The following DCP1B variants were observed in gnomAD, a reference collection of about 807,000 sequenced individuals.
The protein encoded by DCP1B is mRNA-decapping enzyme 1B.
Under a neutral mutation model 60.5 loss-of-function variants are expected in DCP1B, and 47 were observed. That is an observed-to-expected ratio of 0.78 (90% CI 0.61 to 0.99). The LOEUF (loss-of-function observed/expected upper bound fraction) is 0.99. DCP1B is among the 50% of genes least tolerant of loss of function. The probability of loss-of-function intolerance (pLI) is 0.00; values close to 1 mark genes in which losing one functional copy is unlikely to be tolerated. For missense variants in DCP1B, 725 were observed against 756.8 expected, an observed-to-expected ratio of 0.96 and a Z score of 0.49; for synonymous variants, 267 against 280.3, an observed-to-expected ratio of 0.95 and a Z score of 0.47.
Position 1,954,536 on chromosome 12 carries a change from G to GTA in DCP1B, c.651+894_651+895dup, listed in dbSNP as rs34045825. Among the ~76,000 whole-genome samples, 521 of 150,344 alleles carry GTA rather than the reference G, an allele frequency of 3.5e-3. 3 individuals carry two copies. Among genetic ancestry groups the GTA allele is most frequent in the African/African-American group, 8.7e-3 (357 of 41,122 alleles). Reference sequence around the variant, plus strand: ...TGTCATTGCTGTACTATTCTGAAGTGTATATATATATATATATACACTAAC... The same window carrying GTA: ...TGTCATTGCTGTACTATTCTGAAGTGTATATATATATATATATATACACTAAC... On this transcript the variant is annotated intron_variant, in intron 6 of 8. Transcript: ENST00000280665.
At chr12:1,958,016 A>AATG (rs199506471) in intron 5 of DCP1B, among the ~76,000 whole-genome samples, 2 of 125,528 alleles carry the variant, frequency 1.6e-5, no homozygotes, top group Non-Finnish European at 3.6e-5. Context: ...CGCTCTGGGC[A>AATG]GACTTTTTCT....
intron 2 of DCP1B, among the ~76,000 whole-genome samples, chr12:1,996,578 G>A (rs1425147105): frequency 7.8e-6 from 1 of 127,396 alleles, no homozygotes; most frequent in South Asian, 2.6e-4. Context: ...GAATTGTCTT[G>A]GGCCACACAT....
chr12:1,988,015 G>T (rs1251361752), intron 3 of DCP1B, among the ~76,000 whole-genome samples: 1 of 152,084 alleles, frequency 6.6e-6, no homozygotes, highest in African/African-American at 2.4e-5. Context: ...TTCACCCTTT[G>T]ACTTTAATTT....
intron 4 of DCP1B, among the ~76,000 whole-genome samples, chr12:1,966,799 T>C (rs1812902338): frequency 6.6e-6 from 1 of 152,234 alleles, no homozygotes. Context: ...TTGAGCTAGT[T>C]ACCTAAAATT....
chr12:1,952,786 CT>C lies in DCP1B; in HGVS notation c.1153del (p.Ser385AlafsTer33). ...APASSAALNRSRAPTSVTPVA... is the reference protein window; with the variant it reads ...APASSAALNRXRAPTSVTPVA... The stretch of plus-strand genomic sequence containing the variant: ...AGGGGTGACAGAAGTGGGAGCTCTG[CT>C]GCGGTTCAGGGCAGCTGAGCTGGCA... On this transcript the variant is annotated frameshift_variant, in exon 7 of 9. Transcript: ENST00000280665. LOFTEE classifies it high-confidence loss of function. The C allele has an allele frequency of 1.2e-6, 2 of 1,614,166 alleles. No individual in the cohort carries two copies. The highest frequency in any genetic ancestry group is 1.7e-6 in the Non-Finnish European group (2 of 1,180,032).
Position 1,971,867 on chromosome 12 carries a change from C to G in DCP1B, c.320-3957G>C, listed in dbSNP as rs1263811709. Among the ~76,000 whole-genome samples, 1 of 152,158 alleles carries G rather than the reference C, an allele frequency of 6.6e-6. No individual in the cohort carries two copies. Among genetic ancestry groups the G allele is most frequent in the Non-Finnish European group, 1.5e-5 (1 of 68,026 alleles). ...TTTGTTTTATATTTTTACCCAAATA[C>G]CATACAACTCCAAATCATGAATGAT... On this transcript the variant is annotated intron_variant, in intron 3 of 8. Transcript: ENST00000280665. This position sits in a 1 kb window ranked among gnomAD's most constrained non-coding sequence, Gnocchi z 4.2.
chr12:1,973,646 C>T (rs945572178), intron 3 of DCP1B, among the ~76,000 whole-genome samples: 1 of 152,114 alleles, frequency 6.6e-6, no homozygotes, highest in African/African-American at 2.4e-5. Context: ...TACCAAAGGT[C>T]ATATGGAATC....
rs1036833834 is a variant in DCP1B at position 1,948,257 on chromosome 12, G to A, written c.1773+829C>T. Reference sequence around the variant, plus strand: ...GAATGTTCTCCCGAGGCTGGTCCCTGCCAACATTCATGTGGTGAACGTGGC... The same window carrying A: ...GAATGTTCTCCCGAGGCTGGTCCCTACCAACATTCATGTGGTGAACGTGGC... On this transcript the variant is annotated intron_variant, in intron 8 of 8. Coordinates refer to ENST00000280665, the MANE Select transcript of DCP1B (RefSeq NM_152640.5). This position sits in a 1 kb window ranked among gnomAD's most constrained non-coding sequence, Gnocchi z 4.8. Among the ~76,000 whole-genome samples the A allele has an allele frequency of 1.3e-5, 2 of 152,246 alleles. No homozygotes were observed. Among genetic ancestry groups the A allele is most frequent in the African/African-American group, 4.8e-5 (2 of 41,476 alleles).
chr12:1,981,954 G>A (rs1026440712), intron 3 of DCP1B, among the ~76,000 whole-genome samples: 17 of 152,182 alleles, frequency 1.1e-4, no homozygotes, highest in Middle Eastern at 3.2e-3. Context: ...TTAGGCAAGC[G>A]TGCAAGAGTA....
At chr12:1,974,728 T>C (rs1480333382) in intron 3 of DCP1B, among the ~76,000 whole-genome samples, 1 of 152,154 alleles carries the variant, frequency 6.6e-6, no homozygotes, top group African/African-American at 2.4e-5. Flanking sequence ...TATAAGCACC[T>C]GAATGACCTG....
At chr12:1,955,983 C>A (rs2030871903) in intron 5 of DCP1B, among the ~76,000 whole-genome samples, 1 of 152,174 alleles carries the variant, frequency 6.6e-6, no homozygotes. Context: ...TAGTTGAGTA[C>A]ATTTCATCAA....
chr12:1,958,449 T>C (rs2030982937), intron 5 of DCP1B, among the ~76,000 whole-genome samples: 1 of 139,990 alleles, frequency 7.1e-6, no homozygotes, highest in African/African-American at 2.7e-5. Flanking sequence ...GGGGAAAAGC[T>C]CCCTAACGTC....
At chr12:1,970,373 C>G (rs1160895032) in intron 3 of DCP1B, among the ~76,000 whole-genome samples, 1 of 151,970 alleles carries the variant, frequency 6.6e-6, no homozygotes, top group Non-Finnish European at 1.5e-5. Flanking sequence ...CTTTTGATCC[C>G]AGTTTAGTCT....
chr12:1,955,468 A>C lies in DCP1B; in HGVS notation c.615T>G (p.Ser205Arg). ...GAGGTATACGCTGTTGCTGGTTTTC[A>C]CTGGGTTTCACTGGAATTGGTTTGA... The part of the protein sequence containing the change: ...NLIKPIPVKP[S>R]ENQQQRIPQP... Residue 205 changes from serine (S) to arginine (R), a missense_variant, in exon 6 of 9, where the codon AGT (serine) becomes AGG (arginine). Physicochemically the swap from Ser to Arg is moderately radical, Grantham distance 110 (BLOSUM62 -1). Coordinates refer to ENST00000280665, the MANE Select transcript of DCP1B (RefSeq NM_152640.5). The C allele has an allele frequency of 1.9e-6, 3 of 1,613,544 alleles. No individual in the cohort carries two copies. Among genetic ancestry groups the C allele is most frequent in the Non-Finnish European group, 2.5e-6 (3 of 1,179,516 alleles).
chr12:1,992,956 A>G (rs2039823265), intron 3 of DCP1B: 1 of 597,166 alleles, frequency 1.7e-6, no homozygotes, highest in African/African-American at 1.9e-5. Context: ...TCTCCTCACT[A>G]AGAACTTGCC....
rs1211318526 is a variant in DCP1B at position 1,987,107 on chromosome 12, A to G, written c.319+6157T>C. Among the ~76,000 whole-genome samples, 3 of 152,238 alleles carry G rather than the reference A, an allele frequency of 2.0e-5. No individual in the cohort carries two copies. The South Asian group carries it at 6.2e-4, about 31-fold the overall frequency. On this transcript the variant is annotated intron_variant, in intron 3 of 8. Transcript: ENST00000280665. ...CTATTACCACGCATGCTTAAAAAAA[A>G]GAACTTACAGGAACTCCCAGCTTTA...
In DCP1B at chr12:2,004,334, T is replaced by C. The variant is rs2042917749; in HGVS notation, c.98A>G (p.Asp33Gly). ...RHDPYINRIVDVASQVALYTF... is the reference protein window; with the variant it reads ...RHDPYINRIVGVASQVALYTF... The stretch of plus-strand genomic sequence containing the variant: ...GTACAGAGCCACCTGGCTGGCCACG[T>C]CCACGATGCGGTTGATATAGGGGTC... The change falls in exon 1 of 9, where the codon GAC (aspartate) becomes GGC (glycine). Residue 33 changes from aspartate to glycine, a missense_variant. Coordinates refer to ENST00000280665, the MANE Select transcript of DCP1B (RefSeq NM_152640.5). 1 of 1,613,292 alleles carries C rather than the reference T, an allele frequency of 6.2e-7. No individual in the cohort carries two copies. The highest frequency in any genetic ancestry group is 1.3e-5 in the African/African-American group (1 of 74,940).
At chr12:1,954,968 A>G (rs1379487164) in intron 6 of DCP1B, among the ~76,000 whole-genome samples, 1 of 152,090 alleles carries the variant, frequency 6.6e-6, no homozygotes, top group African/African-American at 2.4e-5. Context: ...AGCTCAAGGG[A>G]TCCTCCCGCC....
intron 3 of DCP1B, among the ~76,000 whole-genome samples, chr12:1,987,790 A>T (rs2038228239): frequency 6.6e-6 from 1 of 152,156 alleles, no homozygotes; most frequent in African/African-American, 2.4e-5. Context: ...ATGTATTATG[A>T]TTTGCAGAGC....
Sources: gnomAD v4.1 joint callset for allele counts (sites outside exome capture counted in the v4.1 genomes callset) on GRCh38, gnomAD v4.1.1 for gene constraint, Gnocchi (gnomAD v3.1) non-coding constraint, MANE v1.5 for transcripts, NCBI Gene and HGNC (gene_info 2026-07-23, HGNC 2026-07-21) for gene names.